The following EXPH5 variants were observed in gnomAD, a reference collection of about 807,000 sequenced individuals.
EXPH5 encodes the protein exophilin 5, also known as exophilin-5.
EXPH5 carries 42 observed loss-of-function variants against 41.1 expected under a neutral mutation model. That is an observed-to-expected ratio of 1.02 (90% CI 0.80 to 1.32). The LOEUF (loss-of-function observed/expected upper bound fraction) is 1.32. Among genes scored for constraint, EXPH5 ranks in the 40% most tolerant of loss-of-function variants. The pLI is 0.00. For synonymous variants in EXPH5, 798 were observed against 833.5 expected, an observed-to-expected ratio of 0.96 and a Z score of 0.73; for missense variants, 2,298 against 2,314.5, an observed-to-expected ratio of 0.99 and a Z score of 0.15.
At chr11:108,560,566 T>G (rs2094007241) in intron 1 of EXPH5, among the ~76,000 whole-genome samples, 1 of 152,250 alleles carries the variant, frequency 6.6e-6, no homozygotes, top group Non-Finnish European at 1.5e-5. Flanking sequence ...ATTAGAATGA[T>G]TATTCTGCCT....
At chr11:108,574,152 A>T (rs2094072181) in intron 1 of EXPH5, among the ~76,000 whole-genome samples, 1 of 150,248 alleles carries the variant, frequency 6.7e-6, no homozygotes, top group Non-Finnish European at 1.5e-5. Flanking sequence ...CTCCTGATTC[A>T]CTCGCCTTAG....
At chr11:108,531,573 A>G (rs1398083295) in intron 3 of EXPH5, among the ~76,000 whole-genome samples, 2 of 152,216 alleles carry the variant, frequency 1.3e-5, no homozygotes, top group Non-Finnish European at 2.9e-5. Context: ...GACTTGTCAA[A>G]TTAATTCCAC....
intron 1 of EXPH5, among the ~76,000 whole-genome samples, chr11:108,561,351 CTTGTTTTGTT>C (rs3054582): frequency 6.2e-4 from 94 of 150,792 alleles, no homozygotes; most frequent in East Asian, 9.8e-4. Context: ...TTCCCTCCAT[CTTGTTTTGTT>C]TTGTTTTGTT....
Position 108,514,271 on chromosome 11 carries a change from A to C in EXPH5, c.1236T>G (p.Asn412Lys), listed in dbSNP as rs140916032. 5.5e-5 allele frequency: 88 copies of C among 1,613,964 alleles called. No individual in the cohort carries two copies. The Middle Eastern group carries it at 8.2e-4, about 15-fold the overall frequency. The change falls in exon 6 of 6, where the codon AAT becomes AAG. Residue 412 changes from asparagine (N) to lysine (K), a missense_variant. Physicochemically the swap from Asn to Lys is moderately conservative, Grantham distance 94 (BLOSUM62 0). Transcript: ENST00000265843. ...GTGAATGGTACGATTCATATCTCTT[A>C]TTCTCCTGAAAACCCCTGGGATACA... ...KYVYPRGFQE[N>K]KRYESYHSQN...
intron 1 of EXPH5, among the ~76,000 whole-genome samples, chr11:108,551,267 A>G (rs1354253000): frequency 6.6e-6 from 1 of 152,226 alleles, no homozygotes; most frequent in South Asian, 2.1e-4. Context: ...CTAAGAAACA[A>G]TGCAATTGAT....
chr11:108,539,915 T>C (rs974629010), intron 2 of EXPH5, among the ~76,000 whole-genome samples: 4 of 152,234 alleles, frequency 2.6e-5, no homozygotes, highest in South Asian at 2.1e-4. Flanking sequence ...GAAATACTTA[T>C]AGTCCCAAAC....
Position 108,518,558 on chromosome 11 carries a change from C to T in EXPH5, c.493-185G>A, listed in dbSNP as rs7943820. Among the ~76,000 whole-genome samples, 62,761 of 152,120 alleles carry T rather than the reference C, an allele frequency of 0.41. 15,870 individuals are homozygous for T. Among genetic ancestry groups the T allele is most frequent in the Non-Finnish European group, 0.57 (39,049 of 67,976 alleles). ...GCCATTTGTAACTGACCTGCAACTT[C>T]TCTATACCTACATTAATTATTTCAG... is the stretch of plus-strand genomic sequence containing the variant. On this transcript the variant is annotated intron_variant, in intron 4 of 5. Coordinates refer to ENST00000265843, the MANE Select transcript of EXPH5 (RefSeq NM_015065.3).
At chr11:108,570,971 A>G (rs535049704) in intron 1 of EXPH5, among the ~76,000 whole-genome samples, 56 of 152,320 alleles carry the variant, frequency 3.7e-4, no homozygotes, top group Non-Finnish European at 8.1e-4. Flanking sequence ...ACATTTATGT[A>G]TTGTTTTGTG....
chr11:108,518,403 T>C, intron 4 of EXPH5, 30 bp from the exon 5 acceptor site: 1 of 1,607,078 alleles, frequency 6.2e-7, no homozygotes, highest in Non-Finnish European at 8.5e-7. Flanking sequence ...CACAATATTA[T>C]TTCTGAGCCT....
intron 2 of EXPH5, 74 bp from the exon 3 acceptor site, chr11:108,539,260 C>T (rs2093899103): frequency 2.7e-6 from 3 of 1,127,092 alleles, no homozygotes; most frequent in Admixed American, 2.2e-5. Flanking sequence ...GAAGCCTTTG[C>T]TCTTGTGTCA....
At chr11:108,578,814 A>G (rs1289815950) in intron 1 of EXPH5, among the ~76,000 whole-genome samples, 1 of 152,158 alleles carries the variant, frequency 6.6e-6, no homozygotes, top group Non-Finnish European at 1.5e-5. Flanking sequence ...AGATTGTTCA[A>G]TGTTGGCATA....
rs934892558 is a variant in EXPH5 at position 108,509,846 on chromosome 11, C to G, written c.5661G>C (p.Gly1887=). ...CTAACTGTTGTTCTTTCCCAAAGAT[C>G]CCATAGTCGATAGGTCTGTATATAG... is the stretch of plus-strand genomic sequence containing the variant. ...AISIYRPIDY[G]IFGKEQQLAF... is the part of the protein sequence containing the mutation. Residue 1887 remains glycine (G), a synonymous_variant, in exon 6 of 6, where the codon GGG becomes GGC. Transcript: ENST00000265843. The G allele has an allele frequency of 6.2e-7, 1 of 1,613,628 alleles. No individual in the cohort carries two copies. Among genetic ancestry groups the G allele is most frequent in the African/African-American group, 1.3e-5 (1 of 74,992 alleles).
intron 1 of EXPH5, among the ~76,000 whole-genome samples, chr11:108,592,417 C>T (rs1440068946): frequency 2.0e-5 from 3 of 152,076 alleles, no homozygotes; most frequent in Admixed American, 2.0e-4. Context: ...GAATTGGGAA[C>T]CTGGAACTCG....
At chr11:108,522,871 C>CA (rs2093773976) in intron 4 of EXPH5, among the ~76,000 whole-genome samples, 1 of 151,530 alleles carries the variant, frequency 6.6e-6, no homozygotes, top group African/African-American at 2.4e-5. Flanking sequence ...ACAATTGTGT[C>CA]AAAATCCTTT....
At chr11:108,584,445 T>A (rs1436513591) in intron 1 of EXPH5, among the ~76,000 whole-genome samples, 6 of 151,308 alleles carry the variant, frequency 4.0e-5, no homozygotes, top group Non-Finnish European at 8.8e-5. Context: ...GCCACCGCAC[T>A]CCAGCTTAGG....
rs376431745 is a variant in EXPH5, at chr11:108,511,328, G to A, written c.4179C>T (p.Thr1393=). The change falls in exon 6 of 6, where the codon ACC becomes ACT. Residue 1393 remains threonine, a synonymous_variant. Coordinates refer to ENST00000265843, the MANE Select transcript of EXPH5 (RefSeq NM_015065.3). Reference sequence around the variant, plus strand: ...TCTGAAGCATCAATGAAGTATGCAGGGTTTCACTTTGCAACTTTTTGCCTC... The same window carrying A: ...TCTGAAGCATCAATGAAGTATGCAGAGTTTCACTTTGCAACTTTTTGCCTC... The part of the protein sequence containing the change: ...KERGKKLQSE[T]LHTSLMLQRK... The A allele has an allele frequency of 1.9e-6, 3 of 1,584,132 alleles. No homozygotes were observed. Among genetic ancestry groups the A allele is most frequent in the South Asian group, 1.2e-5 (1 of 84,988 alleles).
chr11:108,508,266 T>A lies in EXPH5; in HGVS notation c.*1271A>T, dbSNP rs1032094922. 2 of 152,538 alleles carry A rather than the reference T, an allele frequency of 1.3e-5. No homozygotes were observed. The highest frequency in any genetic ancestry group is 1.3e-4 in the Admixed American group (2 of 15,270). 9.4% of individuals were successfully genotyped at this position (152,538 alleles called of 1,614,324 possible). On this transcript the variant is annotated 3_prime_UTR_variant, in exon 6 of 6. Coordinates refer to ENST00000265843, the MANE Select transcript of EXPH5 (RefSeq NM_015065.3). ...ATCCTAGCACTCTGGGAGGCTGAAG[T>A]GGGCGGATTGCCTGAGCTCAGGAGT...
rs1289920299 is a variant in EXPH5 at position 108,510,264 on chromosome 11, T to C, written c.5243A>G (p.Asn1748Ser). Residue 1748 changes from asparagine to serine, a missense_variant, in exon 6 of 6, where the codon AAT (asparagine) becomes AGT (serine). Coordinates refer to ENST00000265843, the MANE Select transcript of EXPH5 (RefSeq NM_015065.3). ...AAAAGGAGGGCTCAGCCTCCTCTGA[T>C]TGTCAGAGAATTCTGCTTCCCTGAG... ...TSLREAEFSD[N>S]QRRLSPPFPL... 1 of 1,613,882 alleles carries C rather than the reference T, an allele frequency of 6.2e-7. No homozygotes were observed. The highest frequency in any genetic ancestry group is 1.7e-5 in the Admixed American group (1 of 59,960).
chr11:108,592,142 C>T (rs2094128998), intron 1 of EXPH5, among the ~76,000 whole-genome samples: 1 of 152,042 alleles, frequency 6.6e-6, no homozygotes, highest in African/African-American at 2.4e-5. Flanking sequence ...TACTGTTCTC[C>T]TGAAGGCACA....
Sources: gnomAD v4.1 joint callset for allele counts (sites outside exome capture counted in the v4.1 genomes callset) on GRCh38, gnomAD v4.1.1 for gene constraint, MANE v1.5 for transcripts, NCBI Gene and HGNC (gene_info 2026-07-23, HGNC 2026-07-21) for gene names.